The following ARL14EPL variants were observed in gnomAD, a reference collection of about 807,000 sequenced individuals.
ARL14EPL encodes ARF like GTPase 14 effector protein like.
In ARL14EPL, 17 loss-of-function variants were observed where a neutral mutation model predicts 15.9. The ratio of observed to expected loss-of-function variants is 1.07; its 90% CI spans 0.73 to 1.60. The LOEUF (loss-of-function observed/expected upper bound fraction) is 1.60, where lower values mean the gene tolerates loss of function less well. Among genes scored for constraint, ARL14EPL ranks in the 40% most tolerant of loss-of-function variants. The pLI is 0.00. For missense variants in ARL14EPL, 214 were observed against 185.9 expected (o/e 1.15, Z -0.88); for synonymous variants, 78 against 63.8 (o/e 1.22, Z -1.06).
chr5:116,051,993 G>C, intron 2 of ARL14EPL: 1 of 1,611,394 alleles, frequency 6.2e-7, no homozygotes, highest in Non-Finnish European at 8.5e-7. Context: ...TTTGAAACCA[G>C]TTTGATAAGT....
intron 2 of ARL14EPL, 44 bp from the exon 3 acceptor site, chr5:116,053,970 A>G: frequency 6.8e-7 from 1 of 1,469,240 alleles, no homozygotes; most frequent in Non-Finnish European, 9.0e-7. Flanking sequence ...AAAACAGATA[A>G]AACTATCTGG....
At chr5:116,053,962 A>G in intron 2 of ARL14EPL, 52 bp from the exon 3 acceptor site, 1 of 1,445,866 alleles carries the variant, frequency 6.9e-7, no homozygotes, top group Non-Finnish European at 9.2e-7. Flanking sequence ...GGAAATGTAA[A>G]ACAGATAAAA....
At chr5:116,058,363 T>G (rs142178794) in intron 3 of ARL14EPL, among the ~76,000 whole-genome samples, 36 of 152,306 alleles carry the variant, frequency 2.4e-4, no homozygotes, top group African/African-American at 7.7e-4. Context: ...AAGAAAACTT[T>G]GGGGGCATTT....
chr5:116,043,411 GA>G lies in ARL14EPL; in HGVS notation c.-9-8040del, dbSNP rs558216377. 1.4e-3 allele frequency among the ~76,000 whole-genome samples: 213 copies of G among 151,976 alleles called. 1 individual carries two copies. The highest frequency in any genetic ancestry group is 4.8e-3 in the African/African-American group (198 of 41,484). On this transcript the variant is annotated intron_variant, in intron 1 of 3. Transcript: ENST00000686077. ...AAGAAACCTGAGAATATCTGAAGAT[GA>G]AAAAATATAATTTTATAGCAAAAAT... is the stretch of plus-strand genomic sequence containing the variant.
intron 1 of ARL14EPL, among the ~76,000 whole-genome samples, chr5:116,048,339 G>A (rs955296782): frequency 1.3e-5 from 2 of 152,104 alleles, no homozygotes; most frequent in Admixed American, 1.3e-4. Flanking sequence ...CCTGAGCTGG[G>A]AACTGTTGTT....
intron 1 of ARL14EPL, among the ~76,000 whole-genome samples, chr5:116,043,219 G>C (rs1554077768): frequency 6.7e-6 from 1 of 148,336 alleles, no homozygotes; most frequent in Non-Finnish European, 1.5e-5. Flanking sequence ...GAAAGTAATG[G>C]CAAAAACTGC....
In ARL14EPL at chr5:116,047,075, C is replaced by G. The variant is rs556126987; in HGVS notation, c.-9-4382C>G. ...CAATTGGCACCTTGATCTTGGACAT[C>G]CCAGCCTCTAGAGATACGAGAAATA... On this transcript the variant is annotated intron_variant, in intron 1 of 3. Coordinates refer to ENST00000686077, the MANE Select transcript of ARL14EPL (RefSeq NM_001195581.2). 7.2e-5 allele frequency among the ~76,000 whole-genome samples: 11 copies of G among 152,332 alleles called. No homozygotes were observed. In the South Asian group the frequency reaches 2.3e-3, roughly 32 times the overall value.
intron 1 of ARL14EPL, among the ~76,000 whole-genome samples, chr5:116,043,334 A>C (rs1010869098): frequency 4.6e-5 from 7 of 152,162 alleles, no homozygotes; most frequent in Non-Finnish European, 8.8e-5. Flanking sequence ...TAGTATGTGA[A>C]TCCTTCATTT....
intron 1 of ARL14EPL, among the ~76,000 whole-genome samples, chr5:116,037,562 T>A (rs191313985): frequency 6.7e-6 from 1 of 149,310 alleles, no homozygotes; most frequent in African/African-American, 2.6e-5. Context: ...ATTCTTCAAG[T>A]AACAAGAGTT....
At chr5:116,041,426 G>A (rs1447407388) in intron 1 of ARL14EPL, among the ~76,000 whole-genome samples, 1 of 152,050 alleles carries the variant, frequency 6.6e-6, no homozygotes, top group Non-Finnish European at 1.5e-5. Flanking sequence ...TTTTTGTTTT[G>A]TTTCTGTTTC....
chr5:116,051,389 ATCACCAGATATAG>A, intron 1 of ARL14EPL, 55 bp from the exon 2 acceptor site: 1 of 953,536 alleles, frequency 1.0e-6, no homozygotes, highest in Non-Finnish European at 1.6e-6. Flanking sequence ...GTAGAAAAGA[ATCACCAGATATAG>A]TTACTGGAGA....
rs1233505428 is a variant in ARL14EPL at position 116,059,151 on chromosome 5, T to C, written c.*204T>C. ...TCAACAATTTTCAAGTCCCTTAACT[T>C]GCAACCAAAGAATGTAACAATGGAG... is the stretch of plus-strand genomic sequence containing the variant. On this transcript the variant is annotated 3_prime_UTR_variant, in exon 4 of 4. Transcript: ENST00000686077. The C allele has an allele frequency of 5.2e-6, 3 of 579,232 alleles. No homozygotes were observed. Among genetic ancestry groups the C allele is most frequent in the Non-Finnish European group, 9.1e-6 (3 of 328,386 alleles). 35.9% of individuals were successfully genotyped at this position (579,232 alleles called of 1,614,324 possible). A position where few individuals can be genotyped will look rare whatever the true frequency, so the allele number is the denominator to read the frequency against.
At chr5:116,056,973 AAG>A (rs1163879944) in intron 3 of ARL14EPL, among the ~76,000 whole-genome samples, 1 of 152,186 alleles carries the variant, frequency 6.6e-6, no homozygotes, top group Admixed American at 6.5e-5. Context: ...ACACAACAAA[AAG>A]AGAGAATTTT....
At chr5:116,053,901 C>G (rs1749453720) in intron 2 of ARL14EPL, 113 bp from the exon 3 acceptor site, 2 of 864,452 alleles carry the variant, frequency 2.3e-6, no homozygotes, top group African/African-American at 3.4e-5. Context: ...TTGTGTAAAA[C>G]ATATATACTT....
chr5:116,040,356 C>T lies in ARL14EPL; in HGVS notation c.-10+7851C>T, dbSNP rs561277231. Among the ~76,000 whole-genome samples, 8 of 150,456 alleles carry T rather than the reference C, an allele frequency of 5.3e-5. No homozygotes were observed. In the South Asian group the frequency reaches 1.7e-3, roughly 32 times the overall value. On this transcript the variant is annotated intron_variant, in intron 1 of 3. Coordinates refer to ENST00000686077, the MANE Select transcript of ARL14EPL (RefSeq NM_001195581.2). ...TATATACAATAATAGAAATTATAGC[C>T]ATTTGGCTATAATCGAAATTAATAG...
intron 1 of ARL14EPL, among the ~76,000 whole-genome samples, chr5:116,036,298 C>G (rs928614842): frequency 2.0e-5 from 3 of 152,150 alleles, no homozygotes; most frequent in Admixed American, 6.5e-5. Context: ...CTCTGAGAAG[C>G]CTCTCTGAAA....
chr5:116,051,685 C>G (rs78290575), intron 2 of ARL14EPL, 124 bp downstream of exon 2: 22,929 of 835,888 alleles, frequency 0.027, 619 homozygotes, highest in East Asian at 0.13. Flanking sequence ...GGAGCTCTGC[C>G]GCCCAGGCTG....
chr5:116,053,945 A>G, intron 2 of ARL14EPL, 69 bp from the exon 3 acceptor site: 2 of 1,368,806 alleles, frequency 1.5e-6, no homozygotes, highest in Non-Finnish European at 9.7e-7. Flanking sequence ...CAGAAAGTTC[A>G]TTTTGGGGAA....
At chr5:116,045,557 A>G (rs1242106218) in intron 1 of ARL14EPL, among the ~76,000 whole-genome samples, 1 of 152,160 alleles carries the variant, frequency 6.6e-6, no homozygotes, top group East Asian at 1.9e-4. Context: ...TCTGTCAGTG[A>G]CCCAGACAGG....
Sources: gnomAD v4.1 joint callset for allele counts (sites outside exome capture counted in the v4.1 genomes callset) on GRCh38, gnomAD v4.1.1 for gene constraint, MANE v1.5 for transcripts, NCBI Gene and HGNC (gene_info 2026-07-23, HGNC 2026-07-21) for gene names.